APP: variants seen among roughly 807,000 people sequenced by gnomAD.
APP encodes amyloid-beta precursor protein.
Under a neutral mutation model 101.4 loss-of-function variants are expected in APP, and 31 were observed. The ratio of observed to expected loss-of-function variants is 0.31; its 90% confidence interval spans 0.23 to 0.41. The LOEUF (loss-of-function observed/expected upper bound fraction) is 0.41, where lower values mean the gene tolerates loss of function less well. APP is among the 10% of genes least tolerant of loss of function. The pLI is 1.00. For synonymous variants in APP, 366 were observed against 364.4 expected, an observed-to-expected ratio of 1.00 and a Z score of -0.05; for missense variants, 839 against 1,003.7, an observed-to-expected ratio of 0.84 and a Z score of 2.22.
chr21:26,053,414 A>T (rs561775615), intron 3 of APP, 66 bp from the exon 4 acceptor site: 1 of 1,186,272 alleles, frequency 8.4e-7, no homozygotes, highest in East Asian at 2.3e-5. Flanking sequence ...CGCAGAAGAC[A>T]TCAAGGAAAG....
chr21:26,110,540 T>C (rs2062292879), intron 2 of APP, among the ~76,000 whole-genome samples: 2 of 152,196 alleles, frequency 1.3e-5, no homozygotes, highest in South Asian at 4.1e-4. Context: ...TCATACTCCT[T>C]TCAAGATAAA....
At chr21:26,021,549 G>A (rs1462881393) in intron 6 of APP, among the ~76,000 whole-genome samples, 1 of 152,102 alleles carries the variant, frequency 6.6e-6, no homozygotes, top group African/African-American at 2.4e-5. Context: ...CTAACTCAGT[G>A]TTTGTCAAAT....
At chr21:26,149,860 T>C (rs1262532231) in intron 1 of APP, among the ~76,000 whole-genome samples, 2 of 152,168 alleles carry the variant, frequency 1.3e-5, no homozygotes, top group Non-Finnish European at 2.9e-5. Flanking sequence ...TGAATGCAAA[T>C]TGATGGAATG....
intron 1 of APP, among the ~76,000 whole-genome samples, chr21:26,122,525 T>C (rs938909779): frequency 6.6e-6 from 1 of 152,164 alleles, no homozygotes; most frequent in African/African-American, 2.4e-5. Context: ...GTCATTTCCA[T>C]CTGACTTCCC....
chr21:25,948,859 T>G (rs867428061), intron 13 of APP, among the ~76,000 whole-genome samples: 1 of 152,206 alleles, frequency 6.6e-6, no homozygotes, highest in African/African-American at 2.4e-5. Context: ...AAGCAAAGGT[T>G]GAAAGGATGA....
chr21:25,925,961 A>G (rs957310730), intron 13 of APP, among the ~76,000 whole-genome samples: 3 of 152,164 alleles, frequency 2.0e-5, no homozygotes, highest in African/African-American at 7.2e-5. Flanking sequence ...AAAACAAACA[A>G]CAAACAAAAA....
chr21:26,107,583 C>T (rs1174647308), intron 2 of APP, among the ~76,000 whole-genome samples: 1 of 152,206 alleles, frequency 6.6e-6, no homozygotes, highest in African/African-American at 2.4e-5. Context: ...CTGGCCACTG[C>T]TCATCTCCCT....
chr21:26,154,130 T>C (rs574651461), intron 1 of APP, among the ~76,000 whole-genome samples: 13 of 152,306 alleles, frequency 8.5e-5, no homozygotes, highest in African/African-American at 2.2e-4. Context: ...AAAAGTATCA[T>C]ACTTTAAGTG....
intron 2 of APP, among the ~76,000 whole-genome samples, chr21:26,096,149 TC>T (rs1298288888): frequency 6.6e-6 from 1 of 152,060 alleles, no homozygotes; most frequent in African/African-American, 2.4e-5. Context: ...CCCATTAGGG[TC>T]CCCCCACATG....
At chr21:25,918,973 A>G (rs369413199) in intron 13 of APP, among the ~76,000 whole-genome samples, 8 of 86,764 alleles carry the variant, frequency 9.2e-5, no homozygotes, top group African/African-American at 2.8e-4. Context: ...GCAGACTTAA[A>G]TGTCCCTGTC....
At chr21:26,096,744 C>A (rs1351786139) in intron 2 of APP, among the ~76,000 whole-genome samples, 2 of 152,066 alleles carry the variant, frequency 1.3e-5, no homozygotes, top group Non-Finnish European at 2.9e-5. Flanking sequence ...TCACTGCACT[C>A]CAGTCTGGGC....
chr21:26,102,342 G>C (rs1456880611), intron 2 of APP, among the ~76,000 whole-genome samples: 2 of 151,974 alleles, frequency 1.3e-5, no homozygotes, highest in Non-Finnish European at 2.9e-5. Flanking sequence ...GCCCGCCTCG[G>C]CCTCCCAAAG....
intron 17 of APP, among the ~76,000 whole-genome samples, chr21:25,887,538 A>AAC (rs1555888099): frequency 9.8e-4 from 142 of 145,632 alleles, no homozygotes; most frequent in African/African-American, 2.6e-3. Flanking sequence ...AAAAAAAAAA[A>AAC]AACAACAACT....
intron 5 of APP, among the ~76,000 whole-genome samples, chr21:26,022,247 A>G (rs1380729075): frequency 2.0e-5 from 3 of 152,170 alleles, no homozygotes; most frequent in African/African-American, 7.2e-5. Context: ...TGCAGTTGCT[A>G]AAAGGGGATG....
chr21:25,961,989 T>C (rs953285068), intron 11 of APP, among the ~76,000 whole-genome samples: 3 of 152,184 alleles, frequency 2.0e-5, no homozygotes, highest in Non-Finnish European at 4.4e-5. Context: ...TTTTTCTGTG[T>C]ATTAATACTA....
Position 25,910,948 on chromosome 21 carries a change from T to C in APP, c.1909+793A>G, listed in dbSNP as rs1468181506. On this transcript the variant is annotated intron_variant, in intron 14 of 17. Coordinates refer to ENST00000346798, the MANE Select transcript of APP (RefSeq NM_000484.4). ...TGCAGGCCCTCAAAACTCCTCTCTGTTGGTAAACTGTAATTTTTCCTTATT... is the reference window on the plus strand; with the variant it reads ...TGCAGGCCCTCAAAACTCCTCTCTGCTGGTAAACTGTAATTTTTCCTTATT... Among the ~76,000 whole-genome samples, 3 of 152,234 alleles carry C rather than the reference T, an allele frequency of 2.0e-5. No homozygotes were observed. In the East Asian group the frequency reaches 5.8e-4, roughly 29 times the overall value.
intron 1 of APP, chr21:26,158,348 C>T (rs185294215): frequency 6.6e-6 from 1 of 152,320 alleles, no homozygotes; most frequent in Non-Finnish European, 1.5e-5. Context: ...TACCCATTTT[C>T]CTCTATCCCT....
rs550130210 is a variant in APP at position 25,982,554 on chromosome 21, C to G, written c.1091-77G>C. The G allele has an allele frequency of 8.3e-5, 119 of 1,429,574 alleles. No individual in the cohort carries two copies. In the East Asian group the frequency reaches 2.4e-3, roughly 29 times the overall value. 88.6% of individuals were successfully genotyped at this position (1,429,574 alleles called of 1,614,324 possible). ...AATAATCCACTCGTTTAATAGAAAG[C>G]CGTATTTTCAGTTATTTCTCAGAAC... On this transcript the variant is annotated intron_variant, in intron 8 of 17. Transcript: ENST00000346798.
At chr21:25,889,701 C>T (rs1452909329) in intron 17 of APP, among the ~76,000 whole-genome samples, 5 of 151,986 alleles carry the variant, frequency 3.3e-5, no homozygotes, top group Admixed American at 2.0e-4. Flanking sequence ...ATTAGCCAGG[C>T]GTGGTGGTAT....
Sources: gnomAD v4.1 joint callset for allele counts (sites outside exome capture counted in the v4.1 genomes callset) on GRCh38, gnomAD v4.1.1 for gene constraint, MANE v1.5 for transcripts, NCBI Gene and HGNC (gene_info 2026-07-23, HGNC 2026-07-21) for gene names.